The following ZNFX1 variants were observed in gnomAD, a reference collection of about 807,000 sequenced individuals.
ZNFX1 encodes zinc finger NFX1-type containing 1, also known as NFX1-type zinc finger-containing protein 1.
A neutral mutation model predicts 179.8 loss-of-function variants in ZNFX1; 78 were observed. The observed-to-expected ratio is 0.43, with a 90% CI of 0.36 to 0.52. The LOEUF (loss-of-function observed/expected upper bound fraction) is 0.52, where lower values mean the gene tolerates loss of function less well. Ranked by LOEUF, ZNFX1 falls within the 20% of genes least tolerant of loss-of-function variation. ZNFX1 has a pLI of 0.00. For synonymous variants in ZNFX1, 848 were observed against 868.5 expected, an observed-to-expected ratio of 0.98 and a Z score of 0.42; for missense variants, 1,927 against 2,386.6, an observed-to-expected ratio of 0.81 and a Z score of 4.01.
chr20:49,276,977 T>C (rs978917867), intron 1 of ZNFX1, among the ~76,000 whole-genome samples: 13 of 149,826 alleles, frequency 8.7e-5, no homozygotes, highest in African/African-American at 3.0e-4. Context: ...AAATAGAAAC[T>C]CCAGAAAATT....
Position 49,257,573 on chromosome 20 carries a change from C to T in ZNFX1, c.2508G>A (p.Arg836=), listed in dbSNP as rs370675595. The part of the protein sequence containing the change: ...AEEADLIQAD[R]VIEEEEVVRP... Reference sequence around the variant, plus strand: ...TCACCACCTCTTCCTCCTCAATCACCCGGTCTGCTTGAATCAGGTCAGCTT... The same window carrying T: ...TCACCACCTCTTCCTCCTCAATCACTCGGTCTGCTTGAATCAGGTCAGCTT... The change falls in exon 8 of 14, where the codon CGG becomes CGA. Residue 836 remains arginine, a synonymous_variant. Coordinates refer to ENST00000396105, the MANE Select transcript of ZNFX1 (RefSeq NM_021035.3). 1 of 1,614,054 alleles carries T rather than the reference C, an allele frequency of 6.2e-7. No homozygotes were observed. The highest frequency in any genetic ancestry group is 8.5e-7 in the Non-Finnish European group (1 of 1,180,022).
At chr20:49,267,567 T>C (rs532439151) in intron 3 of ZNFX1, among the ~76,000 whole-genome samples, 1 of 152,282 alleles carries the variant, frequency 6.6e-6, no homozygotes, top group Admixed American at 6.5e-5. Flanking sequence ...TGTTTTCTTT[T>C]GGTACTTCCT....
rs1980760626 is a variant in ZNFX1 at position 49,248,988 on chromosome 20, C to T, written c.4036G>A (p.Val1346Met). The T allele has an allele frequency of 1.2e-6, 2 of 1,614,198 alleles. No individual in the cohort carries two copies. The highest frequency in any genetic ancestry group is 1.7e-6 in the Non-Finnish European group (2 of 1,180,028). Residue 1346 changes from valine (V) to methionine (M), a missense_variant, in exon 14 of 14, where the codon GTG becomes ATG. Val to Met is a conservative substitution (Grantham distance 21). Coordinates refer to ENST00000396105, the MANE Select transcript of ZNFX1 (RefSeq NM_021035.3). The surrounding 1 kb of genome is among the most constrained non-coding windows in gnomAD (Gnocchi z 4.6). The part of the protein sequence containing the change: ...VCFQECQPCQ[V>M]KVPKTIPRCG... ...CGAGGAATGGTTTTGGGCACCTTCA[C>T]CTGACAAGGCTGACACTCCTGGAAG...
At chr20:49,254,385 T>C in intron 10 of ZNFX1, 110 bp downstream of exon 10, 1 of 1,376,606 alleles carries the variant, frequency 7.3e-7, no homozygotes, top group Non-Finnish European at 9.9e-7. Flanking sequence ...TAGCTTTTCA[T>C]GGTATTTTCC....
At chr20:49,269,093 T>C (rs1339755406) in intron 3 of ZNFX1, among the ~76,000 whole-genome samples, 2 of 152,144 alleles carry the variant, frequency 1.3e-5, no homozygotes, top group Admixed American at 6.5e-5. Flanking sequence ...ATAGCAAAGA[T>C]ATGGACTCAA....
intron 2 of ZNFX1, among the ~76,000 whole-genome samples, chr20:49,273,336 G>A (rs1293657118): frequency 6.6e-6 from 1 of 151,968 alleles, no homozygotes; most frequent in African/African-American, 2.4e-5. Flanking sequence ...GTTTCACCAT[G>A]TTAGCCTCGA....
intron 1 of ZNFX1, among the ~76,000 whole-genome samples, chr20:49,277,434 T>G (rs1601001427): frequency 1.7e-5 from 2 of 114,450 alleles, no homozygotes; most frequent in African/African-American, 3.5e-5. Flanking sequence ...GGGAGCAGGC[T>G]GAAGGGGGTG....
chr20:49,264,417 T>A (rs73113584), intron 5 of ZNFX1, among the ~76,000 whole-genome samples: 1 of 152,106 alleles, frequency 6.6e-6, no homozygotes, highest in Non-Finnish European at 1.5e-5. Context: ...GCTGCCCAGC[T>A]AAAAGATGAC....
rs1043434486 is a variant in ZNFX1, at chr20:49,247,100, C to T, written c.*167G>A. The T allele has an allele frequency of 2.1e-5, 18 of 863,240 alleles. No individual in the cohort carries two copies. Among genetic ancestry groups the T allele is most frequent in the Admixed American group, 3.0e-5 (1 of 33,886 alleles). 53.5% of individuals were successfully genotyped at this position (863,240 alleles called of 1,614,324 possible). On this transcript the variant is annotated 3_prime_UTR_variant, in exon 14 of 14. Transcript: ENST00000396105. ...GTCAGGCTGGTCTCGAACTCCTGACCTCGTGATCCGCCTGCCTCGGCCTCC... is the reference window on the plus strand; with the variant it reads ...GTCAGGCTGGTCTCGAACTCCTGACTTCGTGATCCGCCTGCCTCGGCCTCC...
rs1981341998 is a variant in ZNFX1 at position 49,270,091 on chromosome 20, A to C, written c.1721T>G (p.Val574Gly). 6.2e-7 allele frequency: 1 copy of C among 1,614,096 alleles called. No individual in the cohort carries two copies. The highest frequency in any genetic ancestry group is 8.5e-7 in the Non-Finnish European group (1 of 1,180,046). The change falls in exon 3 of 14, where the codon GTC becomes GGC. Residue 574 changes from valine to glycine, a missense_variant. Transcript: ENST00000396105. The surrounding 1 kb of genome is among the most constrained non-coding windows in gnomAD (Gnocchi z 4.6). ...PSATGEFLRN[V>G]EGLRHPRINV... ...AATTCTGGGATGTCTCAAACCCTCGACATTTCTTAGAAATTCCCCAGTGGC... is the reference window on the plus strand; with the variant it reads ...AATTCTGGGATGTCTCAAACCCTCGCCATTTCTTAGAAATTCCCCAGTGGC...
chr20:49,266,355 AT>A (rs1981233245), intron 3 of ZNFX1, 89 bp from the exon 4 acceptor site: 2 of 1,267,300 alleles, frequency 1.6e-6, no homozygotes, highest in Non-Finnish European at 2.1e-6. Flanking sequence ...TAAATTTAAT[AT>A]AATACATTAA....
chr20:49,251,415 A>T, intron 13 of ZNFX1, 112 bp downstream of exon 13: 1 of 833,338 alleles, frequency 1.2e-6, no homozygotes, highest in Non-Finnish European at 1.9e-6. Context: ...TGCTGGGATT[A>T]CAGGTGTGAG....
In ZNFX1 at chr20:49,271,386, C is replaced by T. The variant is rs1363325981; in HGVS notation, c.426G>A (p.Lys142=). ...TTTCTAAGAACTTGTAGCCCAGTTTCTTCGCCTGCTGTGGCTGTTCTGTAG... is the reference window on the plus strand; with the variant it reads ...TTTCTAAGAACTTGTAGCCCAGTTTTTTCGCCTGCTGTGGCTGTTCTGTAG... The part of the protein sequence containing the change: ...QKPTEQPQQA[K]KLGYKFLESL... The change falls in exon 3 of 14, where the codon AAG becomes AAA. Residue 142 remains lysine (K), a synonymous_variant. Coordinates refer to ENST00000396105, the MANE Select transcript of ZNFX1 (RefSeq NM_021035.3). 1 of 1,614,190 alleles carries T rather than the reference C, an allele frequency of 6.2e-7. No homozygotes were observed. The highest frequency in any genetic ancestry group is 2.2e-5 in the East Asian group (1 of 44,886).
In ZNFX1 at chr20:49,249,805, C is replaced by G; in HGVS notation, c.3313-94G>C. On this transcript the variant is annotated intron_variant, in intron 13 of 13. Coordinates refer to ENST00000396105, the MANE Select transcript of ZNFX1 (RefSeq NM_021035.3). ...ACATGCACTGGCCACTTACTCTGCT[C>G]CAGAGAGAGACCTTGGAAAGCTTTT... 2.2e-6 allele frequency: 3 copies of G among 1,373,148 alleles called. No homozygotes were observed. In the East Asian group the frequency reaches 7.0e-5, roughly 32 times the overall value. The allele number at this position is 1,373,148 out of a possible 1,614,324, so 85.1% of individuals were successfully genotyped here.
Position 49,254,553 on chromosome 20 carries a change from T to G in ZNFX1, c.2901A>C (p.Arg967Ser), listed in dbSNP as rs149032917. The G allele has an allele frequency of 1.2e-5, 19 of 1,613,954 alleles. No homozygotes were observed. The highest frequency in any genetic ancestry group is 1.5e-5 in the Non-Finnish European group (18 of 1,180,022). ...RTSAERMAELRLQEDLHILKD... is the reference protein window; with the variant it reads ...RTSAERMAELSLQEDLHILKD... ...TAAGAATGTGCAGGTCTTCCTGGAG[T>G]CTCAGCTCGGCCATTCTTTCTGCTG... The change falls in exon 10 of 14, where the codon AGA (arginine) becomes AGC (serine). Residue 967 changes from arginine (R) to serine (S), a missense_variant. By Grantham distance (110) the Arg-to-Ser change is moderately radical. Transcript: ENST00000396105.
Position 49,247,742 on chromosome 20 carries a change from T to G in ZNFX1, c.5282A>C (p.Gln1761Pro). The G allele has an allele frequency of 6.2e-7, 1 of 1,614,240 alleles. No homozygotes were observed. Residue 1761 changes from glutamine to proline, a missense_variant, in exon 14 of 14, where the codon CAG becomes CCG. By Grantham distance (76) the Gln-to-Pro change is moderately conservative (BLOSUM62 -1). Transcript: ENST00000396105. ...AAGGTTCACCAGGTATGTGAGCCTC[T>G]GGATTTCACTTCGGAGGTCACTTAG... ...QELSDLRSEI[Q>P]RLTYLVNLLT...
At chr20:49,250,140 A>G (rs768953789) in intron 13 of ZNFX1, among the ~76,000 whole-genome samples, 3 of 152,158 alleles carry the variant, frequency 2.0e-5, no homozygotes, top group Non-Finnish European at 4.4e-5. Flanking sequence ...CTATAATCCC[A>G]GCTATTCAGG....
At chr20:49,269,852 A>C in intron 3 of ZNFX1, 90 bp downstream of exon 3, 2 of 1,438,380 alleles carry the variant, frequency 1.4e-6, no homozygotes, top group Non-Finnish European at 1.9e-6. Flanking sequence ...TAAGTAAATA[A>C]GAAGACATTC....
rs1317889024 is a variant in ZNFX1, at chr20:49,271,223, A to G, written c.589T>C (p.Ser197Pro). 6.2e-7 allele frequency: 1 copy of G among 1,614,160 alleles called. No homozygotes were observed. Among genetic ancestry groups the G allele is most frequent in the East Asian group, 2.2e-5 (1 of 44,880 alleles). Reference protein sequence around the residue: ...ICQVLRKACSSKMDRQSVLHV... With the variant: ...ICQVLRKACSPKMDRQSVLHV... ...AGAACACTCTGGCGATCCATTTTGG[A>G]GCTACAAGCCTTCCGAAGAACCTGA... The change falls in exon 3 of 14, where the codon TCC becomes CCC. Residue 197 changes from serine to proline, a missense_variant. Transcript: ENST00000396105.
Sources: allele counts gnomAD v4.1 joint callset (sites outside exome capture counted in the v4.1 genomes callset), GRCh38; gene constraint gnomAD v4.1.1; non-coding constraint Gnocchi (gnomAD v3.1); transcripts MANE v1.5; gene names NCBI Gene and HGNC (gene_info 2026-07-23, HGNC 2026-07-21).